ABL1: variants seen among roughly 807,000 people sequenced by gnomAD.
The protein encoded by ABL1 is tyrosine-protein kinase ABL1.
In ABL1, 11 loss-of-function variants were observed where a neutral mutation model predicts 94.7. The ratio of observed to expected loss-of-function variants is 0.12; its 90% CI spans 0.07 to 0.19. The LOEUF (loss-of-function observed/expected upper bound fraction) is 0.19, where lower values mean the gene tolerates loss of function less well. ABL1 is among the 10% of genes least tolerant of loss of function. The probability of loss-of-function intolerance (pLI) is 1.00; values close to 1 mark genes in which losing one functional copy is unlikely to be tolerated. For synonymous variants in ABL1, 656 were observed against 622.4 expected (o/e 1.05, Z -0.80); for missense variants, 1,082 against 1,489.4 (o/e 0.73, Z 4.50).
chr9:130,730,488 C>A (rs1318822953), intron 1 of ABL1, among the ~76,000 whole-genome samples: 1 of 152,072 alleles, frequency 6.6e-6, no homozygotes. Flanking sequence ...ACCTATGTAT[C>A]TCTTGCCAGT....
chr9:130,769,115 A>G (rs1354892562), intron 1 of ABL1, among the ~76,000 whole-genome samples: 3 of 152,200 alleles, frequency 2.0e-5, no homozygotes, highest in African/African-American at 7.2e-5. Context: ...CAGAAAATTA[A>G]GCAGTAAACC....
At chr9:130,717,281 G>A (rs1013815035) in intron 1 of ABL1, among the ~76,000 whole-genome samples, 1 of 152,106 alleles carries the variant, frequency 6.6e-6, no homozygotes, top group East Asian at 1.9e-4. Flanking sequence ...GACTTCAAAT[G>A]ATCTGGCCAC....
At chr9:130,849,865 C>T (rs905757063) in intron 1 of ABL1, among the ~76,000 whole-genome samples, 3 of 152,036 alleles carry the variant, frequency 2.0e-5, no homozygotes, top group Non-Finnish European at 2.9e-5. Flanking sequence ...GTGGCTTTGC[C>T]CCATTTTTTC....
At chr9:130,877,039 A>T (rs1203210882) in intron 7 of ABL1, among the ~76,000 whole-genome samples, 1 of 147,894 alleles carries the variant, frequency 6.8e-6, no homozygotes, top group East Asian at 1.9e-4. Context: ...AGTGGTGGCC[A>T]ATTAGGTTTT....
intron 4 of ABL1, among the ~76,000 whole-genome samples, chr9:130,864,490 C>T (rs1831124540): frequency 6.6e-6 from 1 of 152,226 alleles, no homozygotes; most frequent in South Asian, 2.1e-4. Flanking sequence ...AGTGATCTGC[C>T]TACCTCAGCC....
intron 1 of ABL1, chr9:130,725,112 T>C (rs1374638167): frequency 5.1e-6 from 1 of 195,026 alleles, no homozygotes; most frequent in Non-Finnish European, 1.1e-5. Context: ...CATTTTAACC[T>C]GTTTAGGTGT....
At chr9:130,866,472 C>T (rs1831158916) in intron 4 of ABL1, among the ~76,000 whole-genome samples, 2 of 152,120 alleles carry the variant, frequency 1.3e-5, no homozygotes, top group African/African-American at 2.4e-5. Flanking sequence ...TTCCCTCAGC[C>T]GATTTTTGGG....
intron 1 of ABL1, chr9:130,714,540 C>A (rs369827228): frequency 3.9e-6 from 6 of 1,529,624 alleles, no homozygotes; most frequent in South Asian, 1.1e-5. Context: ...ACAGTACTTG[C>A]GACAGTTCCT....
At chr9:130,769,056 G>A (rs1351480978) in intron 1 of ABL1, among the ~76,000 whole-genome samples, 1 of 152,116 alleles carries the variant, frequency 6.6e-6, no homozygotes, top group African/African-American at 2.4e-5. Context: ...GCCTGGGGAC[G>A]TGAGGGGGAA....
chr9:130,871,157 G>GT (rs1362935153), intron 4 of ABL1, among the ~76,000 whole-genome samples: 1 of 152,176 alleles, frequency 6.6e-6, no homozygotes, highest in East Asian at 1.9e-4. Flanking sequence ...TTTGGCCTTT[G>GT]TAGCCAGGTT....
intron 3 of ABL1, among the ~76,000 whole-genome samples, chr9:130,858,654 G>A (rs964186864): frequency 2.6e-5 from 4 of 152,172 alleles, no homozygotes; most frequent in Non-Finnish European, 5.9e-5. Context: ...CGTGTGGCTC[G>A]CCGCTGAAAA....
In ABL1 at chr9:130,880,068, G is replaced by C; in HGVS notation, c.1424G>C (p.Cys475Ser). The change falls in exon 9 of 11, where the codon TGT (cysteine) becomes TCT (serine). Residue 475 changes from cysteine (C) to serine (S), a missense_variant and splice_region_variant. This residue lies in a region of ABL1 where 76 missense variants were observed against 177.1 expected (regional missense o/e 0.43). Transcript: ENST00000318560. This position sits in a 1 kb window ranked among gnomAD's most constrained non-coding sequence, Gnocchi z 4.4. ...PEKVYELMRA[C>S]WQWNPSDRPS... ...TCTGACTTGGGTTTCATCTGTCCAG[G>C]TTGGCAGTGGAATCCCTCTGACCGG... is the stretch of plus-strand genomic sequence containing the variant. 6.2e-7 allele frequency: 1 copy of C among 1,614,152 alleles called. No homozygotes were observed. The highest frequency in any genetic ancestry group is 8.5e-7 in the Non-Finnish European group (1 of 1,179,992).
chr9:130,821,521 A>G (rs910579109), intron 1 of ABL1, among the ~76,000 whole-genome samples: 3 of 151,888 alleles, frequency 2.0e-5, no homozygotes, highest in African/African-American at 7.3e-5. Flanking sequence ...ATTTTTCTCT[A>G]TTCACTAGTT....
At chr9:130,865,746 CAAAAAAAAAAA>C (rs36055589) in intron 4 of ABL1, among the ~76,000 whole-genome samples, 4 of 61,688 alleles carry the variant, frequency 6.5e-5, no homozygotes, top group South Asian at 6.6e-4. Context: ...ACCCTGTCTC[CAAAAAAAAAAA>C]AAAAAAAAAA....
At chr9:130,821,112 A>G (rs1157863872) in intron 1 of ABL1, among the ~76,000 whole-genome samples, 2 of 152,030 alleles carry the variant, frequency 1.3e-5, no homozygotes, top group Non-Finnish European at 2.9e-5. Flanking sequence ...TTGTATTCTT[A>G]GTAGAGATAG....
chr9:130,816,738 A>C (rs745667911), intron 1 of ABL1, among the ~76,000 whole-genome samples: 1 of 152,072 alleles, frequency 6.6e-6, no homozygotes, highest in Non-Finnish European at 1.5e-5. Context: ...GTCTTGCTCT[A>C]TCGCCCAGGC....
chr9:130,713,447 A>T (rs1831396659), exon 1 of ABL1, among the ~76,000 whole-genome samples: 1 of 138,686 alleles, frequency 7.2e-6, no homozygotes, highest in Non-Finnish European at 1.6e-5. Context: ...GTCGCCCCGG[A>T]GTAAGCTGCC....
chr9:130,848,795 C>T (rs1451659605), intron 1 of ABL1, among the ~76,000 whole-genome samples: 10 of 151,840 alleles, frequency 6.6e-5, no homozygotes, highest in Non-Finnish European at 1.3e-4. Flanking sequence ...AAAAAGTAGC[C>T]GAGTGTGGTG....
At chr9:130,730,031 C>A (rs1203314629) in intron 1 of ABL1, among the ~76,000 whole-genome samples, 1 of 135,282 alleles carries the variant, frequency 7.4e-6, no homozygotes, top group Non-Finnish European at 1.5e-5. Context: ...GCGTGAGCCA[C>A]TGCGCCCAGC....
Sources: allele counts gnomAD v4.1 joint callset (sites outside exome capture counted in the v4.1 genomes callset), GRCh38; gene constraint gnomAD v4.1.1; regional missense constraint gnomAD v4.1.1; non-coding constraint Gnocchi (gnomAD v3.1); transcripts MANE v1.5; gene names NCBI Gene and HGNC (gene_info 2026-07-23, HGNC 2026-07-21).